QSER1: variants seen among roughly 807,000 people sequenced by gnomAD.
QSER1 encodes glutamine and serine-rich protein 1.
A neutral mutation model predicts 158.5 loss-of-function variants in QSER1; 49 were observed. The observed-to-expected ratio is 0.31, with a 90% CI of 0.25 to 0.39. QSER1 has a LOEUF of 0.39. QSER1 is among the 10% of genes least tolerant of loss of function. The probability of loss-of-function intolerance (pLI) is 1.00; values close to 1 mark genes in which losing one functional copy is unlikely to be tolerated. For missense variants in QSER1, 1,754 were observed against 2,010.3 expected (o/e 0.87, Z 2.44); for synonymous variants, 650 against 715.5 (o/e 0.91, Z 1.46).
intron 1 of QSER1, among the ~76,000 whole-genome samples, chr11:32,923,532 G>T (rs1176535780): frequency 6.6e-6 from 1 of 152,068 alleles, no homozygotes; most frequent in Non-Finnish European, 1.5e-5. Flanking sequence ...AAAAAAATTA[G>T]CCTGGCGCAG....
In QSER1 at chr11:32,941,983, T is replaced by A. The variant is rs994152339; in HGVS notation, c.4177+6548T>A. 1.3e-3 allele frequency among the ~76,000 whole-genome samples: 202 copies of A among 151,954 alleles called. 1 individual carries two copies. Among genetic ancestry groups the A allele is most frequent in the African/African-American group, 4.5e-3 (188 of 41,474 alleles). ...TGATTTGCATTTCTCTGATGGCCAG[T>A]GATGGTGAGCATTTTTTCATGTGTC... On this transcript the variant is annotated intron_variant, in intron 4 of 12. Transcript: ENST00000650167.
chr11:32,938,937 G>A (rs1379740379), intron 4 of QSER1, among the ~76,000 whole-genome samples: 1 of 151,938 alleles, frequency 6.6e-6, no homozygotes, highest in Non-Finnish European at 1.5e-5. Flanking sequence ...TTCTATATTT[G>A]CATTAAAAAG....
Position 32,975,309 on chromosome 11 carries a change from A to T in QSER1, c.5420A>T (p.Tyr1807Phe), listed in dbSNP as rs1761722834. 1.3e-6 allele frequency: 2 copies of T among 1,596,392 alleles called. No homozygotes were observed. The highest frequency in any genetic ancestry group is 1.7e-6 in the Non-Finnish European group (2 of 1,165,104). Reference sequence around the variant, plus strand: ...TCTTTGTATCATTCACTCCATCATTATAAGTACCATGTTTATCTGATATGT... The same window carrying T: ...TCTTTGTATCATTCACTCCATCATTTTAAGTACCATGTTTATCTGATATGT... ...LYSLYHSLHH[Y>F]KYHVYLICKD... The change falls in exon 12 of 13, where the codon TAT becomes TTT. Residue 1807 changes from tyrosine to phenylalanine, a missense_variant. Tyr to Phe is a conservative substitution (Grantham distance 22, BLOSUM62 3). Transcript: ENST00000650167.
intron 1 of QSER1, among the ~76,000 whole-genome samples, chr11:32,900,466 G>A (rs1368823592): frequency 6.6e-6 from 1 of 152,124 alleles, no homozygotes; most frequent in African/African-American, 2.4e-5. Context: ...GGCTGAGGCA[G>A]GAGAATAGCT....
intron 1 of QSER1, among the ~76,000 whole-genome samples, chr11:32,919,730 G>C (rs1219086892): frequency 6.6e-6 from 1 of 152,174 alleles, no homozygotes; most frequent in East Asian, 1.9e-4. Flanking sequence ...CTTCAGGGTA[G>C]AGAATCTACA....
chr11:32,929,057 T>C (rs1279910636), intron 3 of QSER1, among the ~76,000 whole-genome samples: 3 of 152,068 alleles, frequency 2.0e-5, no homozygotes, highest in Admixed American at 6.6e-5. Flanking sequence ...GTGAAGTGTT[T>C]TTACTCTTGT....
intron 4 of QSER1, among the ~76,000 whole-genome samples, chr11:32,951,894 G>C (rs1792288626): frequency 6.8e-6 from 1 of 147,186 alleles, no homozygotes; most frequent in African/African-American, 2.5e-5. Context: ...ATGGAGTGCA[G>C]TGGTGAGATC....
At chr11:32,906,783 T>C (rs1851700578) in intron 1 of QSER1, among the ~76,000 whole-genome samples, 1 of 152,112 alleles carries the variant, frequency 6.6e-6, no homozygotes, top group Admixed American at 6.6e-5. Context: ...AACCCCTGAG[T>C]ATCCATTACC....
rs537831619 is a variant in QSER1 at position 32,921,174 on chromosome 11, G to A, written c.210-5983G>A. On this transcript the variant is annotated intron_variant, in intron 1 of 12. Coordinates refer to ENST00000650167, the MANE Select transcript of QSER1 (RefSeq NM_001076786.3). ...GGAATATTCAGCCCTAAAAAGGAAT[G>A]AGGTACTGATATATCCATGTTGTAA... 2.6e-5 allele frequency among the ~76,000 whole-genome samples: 4 copies of A among 152,302 alleles called. No individual in the cohort carries two copies. In the South Asian group the frequency reaches 8.3e-4, roughly 32 times the overall value.
At chr11:32,961,313 T>G (rs1314171216) in intron 8 of QSER1, among the ~76,000 whole-genome samples, 1 of 152,196 alleles carries the variant, frequency 6.6e-6, no homozygotes, top group Non-Finnish European at 1.5e-5. Context: ...TCTTGAGTTT[T>G]CATGCTATTA....
At chr11:32,913,395 G>A (rs377052126) in intron 1 of QSER1, among the ~76,000 whole-genome samples, 5 of 151,836 alleles carry the variant, frequency 3.3e-5, no homozygotes, top group South Asian at 2.1e-4. Flanking sequence ...AGGTTTCATC[G>A]TGTTAGCCAG....
rs573293773 is a variant in QSER1, at chr11:32,955,854, G to C, written c.4618-134G>C. On this transcript the variant is annotated intron_variant, in intron 6 of 12. Coordinates refer to ENST00000650167, the MANE Select transcript of QSER1 (RefSeq NM_001076786.3). ...TAATGAGCCTGGGATCAGTTTTTGA[G>C]GGTAAAATTAGCCTGGCCAGAGCTG... 14 of 705,536 alleles carry C rather than the reference G, an allele frequency of 2.0e-5. No individual in the cohort carries two copies. The South Asian group carries it at 2.6e-4, about 13-fold the overall frequency. The allele number at this position is 705,536 out of a possible 1,614,324, so 43.7% of individuals were successfully genotyped here.
intron 11 of QSER1, among the ~76,000 whole-genome samples, chr11:32,974,107 A>G (rs894499726): frequency 3.9e-5 from 6 of 152,240 alleles, no homozygotes; most frequent in African/African-American, 1.2e-4. Context: ...CAGTTTGGCA[A>G]CATATCAACT....
rs552870093 is a variant in QSER1, at chr11:32,943,759, A to G, written c.4177+8324A>G. ...TGATGCTGGCCTCATAAAATGAGTT[A>G]GGGAGGATTCCCTCTTTTTCTATTG... is the stretch of plus-strand genomic sequence containing the variant. On this transcript the variant is annotated intron_variant, in intron 4 of 12. Transcript: ENST00000650167. Among the ~76,000 whole-genome samples, 216 of 152,176 alleles carry G rather than the reference A, an allele frequency of 1.4e-3. 1 individual carries two copies. Among genetic ancestry groups the G allele is most frequent in the Middle Eastern group, 6.8e-3 (2 of 294 alleles).
At chr11:32,963,262 C>CCT (rs1434609062) in intron 8 of QSER1, among the ~76,000 whole-genome samples, 2 of 151,412 alleles carry the variant, frequency 1.3e-5, no homozygotes, top group African/African-American at 4.9e-5. Flanking sequence ...CTCATGTGAT[C>CCT]CTCTCACCTC....
intron 4 of QSER1, among the ~76,000 whole-genome samples, chr11:32,948,541 A>G (rs1036104424): frequency 2.0e-5 from 3 of 152,172 alleles, no homozygotes; most frequent in African/African-American, 7.2e-5. Context: ...AGGCAGGAGT[A>G]TCGGGTGAGC....
chr11:32,939,969 T>TA (rs1852206099), intron 4 of QSER1, among the ~76,000 whole-genome samples: 2 of 134,176 alleles, frequency 1.5e-5, no homozygotes, highest in African/African-American at 5.2e-5. Context: ...TTTTTTTTTT[T>TA]GAGATTTATC....
At chr11:32,917,347 G>A (rs1167428112) in intron 1 of QSER1, among the ~76,000 whole-genome samples, 2 of 152,128 alleles carry the variant, frequency 1.3e-5, no homozygotes, top group African/African-American at 4.8e-5. Context: ...GTGTGAACAT[G>A]TTTCCATTCT....
intron 1 of QSER1, among the ~76,000 whole-genome samples, chr11:32,925,497 TA>T (rs987803466): frequency 2.6e-3 from 203 of 77,718 alleles, no homozygotes; most frequent in South Asian, 0.012. Context: ...ATCGCTTTTT[TA>T]TTTATTTATT....
Sources: allele counts gnomAD v4.1 joint callset (sites outside exome capture counted in the v4.1 genomes callset), GRCh38; gene constraint gnomAD v4.1.1; transcripts MANE v1.5; gene names NCBI Gene and HGNC (gene_info 2026-07-23, HGNC 2026-07-21).